Variants in SLC12A2 observed in about 807,000 individuals in gnomAD.
SLC12A2 encodes the protein Na-K-2Cl cotransporter 1.
A neutral mutation model predicts 136.3 loss-of-function variants in SLC12A2; 67 were observed. That is an observed-to-expected ratio of 0.49 (90% CI 0.40 to 0.60). The LOEUF (loss-of-function observed/expected upper bound fraction) is 0.60, where lower values mean the gene tolerates loss of function less well. Among genes scored for constraint, SLC12A2 ranks in the 20% least tolerant of loss-of-function variants. The probability of loss-of-function intolerance (pLI) is 0.00; values close to 1 mark genes in which losing one functional copy is unlikely to be tolerated. For missense variants in SLC12A2, 1,322 were observed against 1,534.7 expected (o/e 0.86, Z 2.32); for synonymous variants, 619 against 562.9 (o/e 1.10, Z -1.41).
In SLC12A2 at chr5:128,083,962, C is replaced by T. The variant is rs903367629; in HGVS notation, c.8C>T (p.Pro3Leu). ME[P>L]RPTAPSSGAP... ...GCCGGGGGTCGGGCAGCTATGGAGC[C>T]GCGGCCCACGGCGCCCTCCTCCGGC... The change falls in exon 1 of 27, where the codon CCG (proline) becomes CTG (leucine). Residue 3 changes from proline to leucine, a missense_variant. Pro to Leu is a moderately conservative substitution (Grantham distance 98, BLOSUM62 -3). Transcript: ENST00000262461. The T allele has an allele frequency of 1.1e-5, 13 of 1,236,748 alleles. No individual in the cohort carries two copies. The East Asian group carries it at 1.3e-4, about 12-fold the overall frequency. The allele number at this position is 1,236,748 out of a possible 1,614,324, so 76.6% of individuals were successfully genotyped here.
At chr5:128,085,249 A>G (rs1464667379) in intron 1 of SLC12A2, among the ~76,000 whole-genome samples, 1 of 152,170 alleles carries the variant, frequency 6.6e-6, no homozygotes, top group Non-Finnish European at 1.5e-5. Context: ...TTGAATATAC[A>G]AAGGATCATA....
chr5:128,183,747 C>A (rs755181929), intron 24 of SLC12A2, among the ~76,000 whole-genome samples: 7 of 151,852 alleles, frequency 4.6e-5, no homozygotes, highest in Non-Finnish European at 1.0e-4. Flanking sequence ...ACTGGGAAAG[C>A]CTTTGGGTGT....
chr5:128,142,098 T>A, intron 10 of SLC12A2, 117 bp downstream of exon 10: 2 of 831,518 alleles, frequency 2.4e-6, no homozygotes, highest in Non-Finnish European at 3.6e-6. Flanking sequence ...GTTGTTATTT[T>A]TTTTAATTTT....
chr5:128,105,008 A>G (rs1760882489), intron 1 of SLC12A2, among the ~76,000 whole-genome samples: 1 of 141,780 alleles, frequency 7.1e-6, no homozygotes, highest in Admixed American at 6.7e-5. Flanking sequence ...TCATTATAAC[A>G]TGTGGAATTC....
chr5:128,083,856 C>T lies in SLC12A2; in HGVS notation c.-99C>T, dbSNP rs964277203. On this transcript the variant is annotated 5_prime_UTR_variant, in exon 1 of 27. Transcript: ENST00000262461. ...GCGGCGGGGAGAAAGACTCTCTCAC[C>T]TGGTCTTGCGGCTGTGGCCACCGCC... The T allele has an allele frequency of 6.7e-6, 6 of 902,166 alleles. No homozygotes were observed. Among genetic ancestry groups the T allele is most frequent in the African/African-American group, 5.2e-5 (3 of 57,626 alleles). 55.9% of individuals were successfully genotyped at this position (902,166 alleles called of 1,614,324 possible). A position where few individuals can be genotyped will look rare whatever the true frequency, so the allele number is the denominator to read the frequency against.
chr5:128,110,766 A>G lies in SLC12A2; in HGVS notation c.757-2048A>G. ...TGCTAGAAAAACTTAAATGGACAAA[A>G]GATCACAATGAAGAGGCCAAAAAGA... is the stretch of plus-strand genomic sequence containing the variant. On this transcript the variant is annotated intron_variant, in intron 1 of 26. Coordinates refer to ENST00000262461, the MANE Select transcript of SLC12A2 (RefSeq NM_001046.3). 3 of 1,464,608 alleles carry G rather than the reference A, an allele frequency of 2.0e-6. No individual in the cohort carries two copies. The Admixed American group carries it at 5.0e-5, about 25-fold the overall frequency. The allele number at this position is 1,464,608 out of a possible 1,614,324, so 90.7% of individuals were successfully genotyped here. A position where few individuals can be genotyped will look rare whatever the true frequency, so the allele number is the denominator to read the frequency against.
intron 21 of SLC12A2, among the ~76,000 whole-genome samples, chr5:128,178,209 G>A (rs62373737): frequency 0.011 from 1,735 of 152,224 alleles, 22 homozygotes; most frequent in Non-Finnish European, 0.016. Context: ...GTATAAACTT[G>A]ATTTGTCCAG....
intron 1 of SLC12A2, among the ~76,000 whole-genome samples, chr5:128,099,264 T>A (rs1292525002): frequency 3.9e-5 from 6 of 152,196 alleles, no homozygotes; most frequent in Admixed American, 3.3e-4. Flanking sequence ...TACAGCATGT[T>A]ACTGTACATG....
At chr5:128,085,070 C>T (rs531079303) in intron 1 of SLC12A2, among the ~76,000 whole-genome samples, 1 of 151,154 alleles carries the variant, frequency 6.6e-6, no homozygotes, top group Non-Finnish European at 1.5e-5. Flanking sequence ...GAGGATCTCT[C>T]GAGAGAGGTT....
At chr5:128,138,433 C>T (rs1167271110) in intron 7 of SLC12A2, among the ~76,000 whole-genome samples, 164 bp from the exon 8 acceptor site, 1 of 152,096 alleles carries the variant, frequency 6.6e-6, no homozygotes, top group East Asian at 1.9e-4. Context: ...TTGTCTCATA[C>T]AAGAAAAGAA....
At chr5:128,122,202 A>T (rs867006848) in intron 4 of SLC12A2, among the ~76,000 whole-genome samples, 4 of 152,344 alleles carry the variant, frequency 2.6e-5, no homozygotes, top group Middle Eastern at 3.4e-3. Flanking sequence ...ATAAAACTTC[A>T]GATAGGTAGT....
At chr5:128,162,505 T>G (rs1763074158) in intron 17 of SLC12A2, among the ~76,000 whole-genome samples, 1 of 152,066 alleles carries the variant, frequency 6.6e-6, no homozygotes, top group Admixed American at 6.6e-5. Flanking sequence ...TCTAAAACAA[T>G]TTTATGACCT....
At chr5:128,130,777 A>G (rs1047917196) in intron 4 of SLC12A2, among the ~76,000 whole-genome samples, 31 of 152,242 alleles carry the variant, frequency 2.0e-4, no homozygotes, top group African/African-American at 7.0e-4. Context: ...GAAGGGGAGG[A>G]GGCTGTGGCC....
intron 1 of SLC12A2, among the ~76,000 whole-genome samples, chr5:128,103,966 T>C (rs1015511965): frequency 6.6e-6 from 1 of 152,212 alleles, no homozygotes; most frequent in Non-Finnish European, 1.5e-5. Context: ...AATATTTGCC[T>C]TTTCTTTAAT....
intron 10 of SLC12A2, 58 bp from the exon 11 acceptor site, chr5:128,147,564 G>A (rs2126718944): frequency 5.5e-6 from 6 of 1,083,868 alleles, no homozygotes; most frequent in Non-Finnish European, 8.5e-6. Flanking sequence ...ATAATATTGT[G>A]TTATTTTCTG....
intron 26 of SLC12A2, among the ~76,000 whole-genome samples, chr5:128,186,165 C>A (rs1039683168): frequency 3.3e-5 from 5 of 152,090 alleles, no homozygotes; most frequent in Admixed American, 2.0e-4. Context: ...ACGTACTATA[C>A]AGGTTTGTAG....
At chr5:128,087,952 T>G (rs902076633) in intron 1 of SLC12A2, among the ~76,000 whole-genome samples, 3 of 150,422 alleles carry the variant, frequency 2.0e-5, no homozygotes, top group Non-Finnish European at 4.4e-5. Context: ...GGCTATTCTG[T>G]TTCAGTAGCC....
chr5:128,084,677 T>A lies in SLC12A2; in HGVS notation c.723T>A (p.Pro241=), dbSNP rs1159455860. 1 of 1,609,188 alleles carries A rather than the reference T, an allele frequency of 6.2e-7. No individual in the cohort carries two copies. The highest frequency in any genetic ancestry group is 1.7e-5 in the Admixed American group (1 of 59,624). ...AAQLGEKLLR[P]SLAELHDELE... Reference sequence around the variant, plus strand: ...AGCTGGGCGAGAAGCTGCTCCGGCCTAGCCTGGCGGAGCTCCACGACGAGC... The same window carrying A: ...AGCTGGGCGAGAAGCTGCTCCGGCCAAGCCTGGCGGAGCTCCACGACGAGC... The change falls in exon 1 of 27, where the codon CCT becomes CCA. Residue 241 remains proline (P), a synonymous_variant. Transcript: ENST00000262461. This position sits in a 1 kb window ranked among gnomAD's most constrained non-coding sequence, Gnocchi z 5.6.
At chr5:128,177,210 T>G (rs1763566352) in intron 21 of SLC12A2, 58 bp downstream of exon 21, 2 of 1,214,294 alleles carry the variant, frequency 1.6e-6, no homozygotes, top group Non-Finnish European at 2.3e-6. Flanking sequence ...ACTCTTTAAC[T>G]CCAACCTTAT....
Sources: gnomAD v4.1 joint callset for allele counts (sites outside exome capture counted in the v4.1 genomes callset) on GRCh38, gnomAD v4.1.1 for gene constraint, Gnocchi (gnomAD v3.1) non-coding constraint, MANE v1.5 for transcripts, NCBI Gene and HGNC (gene_info 2026-07-23, HGNC 2026-07-21) for gene names.